OSMR: variants seen among roughly 807,000 people sequenced by gnomAD.
The protein encoded by OSMR is oncostatin M receptor, also known as oncostatin-M-specific receptor subunit beta.
In OSMR, 81 loss-of-function variants were observed where a neutral mutation model predicts 99.9. The observed-to-expected ratio is 0.81, with a 90% CI of 0.68 to 0.97. The LOEUF is 0.97. OSMR is among the 50% of genes least tolerant of loss of function. The pLI is 0.00. For synonymous variants in OSMR, 406 were observed against 410.4 expected, an observed-to-expected ratio of 0.99 and a Z score of 0.13; for missense variants, 1,099 against 1,153.4, an observed-to-expected ratio of 0.95 and a Z score of 0.68.
intron 3 of OSMR, among the ~76,000 whole-genome samples, chr5:38,879,053 T>C (rs1231177942): frequency 6.6e-6 from 1 of 152,238 alleles, no homozygotes; most frequent in African/African-American, 2.4e-5. Context: ...GGGCTGTGTG[T>C]GCAGGTCACT....
At chr5:38,921,125 C>G (rs1224525589) in intron 11 of OSMR, among the ~76,000 whole-genome samples, 1 of 152,070 alleles carries the variant, frequency 6.6e-6, no homozygotes, top group African/African-American at 2.4e-5. Context: ...GTACCCAATA[C>G]CAGATTCTAG....
chr5:38,929,831 G>A (rs1746637690), intron 15 of OSMR, among the ~76,000 whole-genome samples: 1 of 152,208 alleles, frequency 6.6e-6, no homozygotes, highest in African/African-American at 2.4e-5. Context: ...CTGAAAGCTG[G>A]TTCATGCAAG....
intron 3 of OSMR, among the ~76,000 whole-genome samples, chr5:38,879,562 G>C (rs980121318): frequency 6.6e-6 from 1 of 151,956 alleles, no homozygotes; most frequent in Non-Finnish European, 1.5e-5. Flanking sequence ...GAGCGAAGTT[G>C]CCATTATTGA....
chr5:38,906,640 C>T (rs1352217168), intron 9 of OSMR, among the ~76,000 whole-genome samples: 2 of 152,204 alleles, frequency 1.3e-5, no homozygotes, highest in East Asian at 3.9e-4. Context: ...ACTTATTTAG[C>T]AAATTGAAAT....
At chr5:38,905,732 C>G (rs2112553234) in intron 9 of OSMR, among the ~76,000 whole-genome samples, 1 of 152,308 alleles carries the variant, frequency 6.6e-6, no homozygotes, top group Non-Finnish European at 1.5e-5. Flanking sequence ...AATCAGAGCT[C>G]AATTCTGTGT....
chr5:38,935,948 G>C (rs1194413519), downstream of OSMR, among the ~76,000 whole-genome samples: 2 of 152,158 alleles, frequency 1.3e-5, no homozygotes, highest in Non-Finnish European at 2.9e-5. Flanking sequence ...ACTATGACCT[G>C]TAGTCTTGGC....
intron 3 of OSMR, among the ~76,000 whole-genome samples, chr5:38,877,887 T>A (rs752884367): frequency 6.6e-6 from 1 of 152,234 alleles, no homozygotes; most frequent in Non-Finnish European, 1.5e-5. Flanking sequence ...GTTTTCATAT[T>A]TGATTCCCGT....
At position 38,933,455 on chromosome 5, in the gene OSMR, G is replaced by A. The variant is rs749514687; in HGVS notation, c.*11G>A. On this transcript the variant is annotated 3_prime_UTR_variant, in exon 18 of 18. Transcript: ENST00000274276. Reference sequence around the variant, plus strand: ...GAACACTACTGCTAACCAGCATGCCGATTTCATACCTTATGCTACACAGAC... The same window carrying A: ...GAACACTACTGCTAACCAGCATGCCAATTTCATACCTTATGCTACACAGAC... The A allele has an allele frequency of 8.7e-6, 14 of 1,613,748 alleles. No individual in the cohort carries two copies. Among genetic ancestry groups the A allele is most frequent in the African/African-American group, 1.3e-5 (1 of 74,890 alleles).
At chr5:38,872,108 C>G (rs573489490) in intron 2 of OSMR, among the ~76,000 whole-genome samples, 46 of 152,174 alleles carry the variant, frequency 3.0e-4, no homozygotes, top group Non-Finnish European at 6.0e-4. Context: ...ACCTCAATTT[C>G]CTCGTCTGAA....
chr5:38,886,298 G>A (rs1743766499), intron 7 of OSMR, 108 bp downstream of exon 7: 3 of 1,588,996 alleles, frequency 1.9e-6, no homozygotes, highest in South Asian at 1.1e-5. Context: ...TCACAGCGGA[G>A]GTGAGAGTTA....
At chr5:38,904,995 G>T (rs1163450630) in intron 9 of OSMR, among the ~76,000 whole-genome samples, 1 of 152,156 alleles carries the variant, frequency 6.6e-6, no homozygotes, top group African/African-American at 2.4e-5. Flanking sequence ...GGTTTCCTCA[G>T]TATTGACTGC....
At chr5:38,863,205 G>GAGGGGA (rs1741648999) in intron 1 of OSMR, among the ~76,000 whole-genome samples, 1 of 75,642 alleles carries the variant, frequency 1.3e-5, no homozygotes, top group Non-Finnish European at 2.9e-5. Flanking sequence ...GGGGGAGGGG[G>GAGGGGA]AGGGGGAGGG....
chr5:38,905,288 A>G (rs540861286), intron 9 of OSMR, among the ~76,000 whole-genome samples: 49 of 152,248 alleles, frequency 3.2e-4, no homozygotes, highest in African/African-American at 1.1e-3. Context: ...CAGGAGTTCG[A>G]GACCAGCCTG....
chr5:38,904,544 T>A, intron 9 of OSMR, 41 bp downstream of exon 9: 1 of 1,613,394 alleles, frequency 6.2e-7, no homozygotes, highest in African/African-American at 1.3e-5. Flanking sequence ...GAAGTAGGTC[T>A]TAGGAGTTAG....
At chr5:38,884,505 T>G (rs1455906279) in intron 5 of OSMR, among the ~76,000 whole-genome samples, 1 of 152,202 alleles carries the variant, frequency 6.6e-6, no homozygotes, top group East Asian at 1.9e-4. Flanking sequence ...GGTTTGAATC[T>G]TCTTTCCCTG....
At chr5:38,860,120 T>C (rs1453708903) in intron 1 of OSMR, among the ~76,000 whole-genome samples, 1 of 152,232 alleles carries the variant, frequency 6.6e-6, no homozygotes, top group Non-Finnish European at 1.5e-5. Context: ...ATATGAGTTG[T>C]AAAATTGGGC....
At chr5:38,893,283 A>G (rs568424868) in intron 7 of OSMR, among the ~76,000 whole-genome samples, 99 of 152,356 alleles carry the variant, frequency 6.5e-4, no homozygotes, top group African/African-American at 2.2e-3. Flanking sequence ...TTCTGGCATC[A>G]TGAAAATCGA....
At chr5:38,847,119 G>T (rs975851640) in intron 1 of OSMR, among the ~76,000 whole-genome samples, 4 of 152,216 alleles carry the variant, frequency 2.6e-5, no homozygotes, top group African/African-American at 7.2e-5. Flanking sequence ...AGAGAAGATA[G>T]AATTGAATGT....
In OSMR at chr5:38,932,889, A is replaced by G. The variant is rs944080834; in HGVS notation, c.2385A>G (p.Ile795Met). ...CTTTCTAGGAGAACCCTCACCTAATAATAATGAATGTCAGTGACTGTATCC... is the reference window on the plus strand; with the variant it reads ...CTTTCTAGGAGAACCCTCACCTAATGATAATGAATGTCAGTGACTGTATCC... ...LIKFKENPHL[I>M]IMNVSDCIPD... The change falls in exon 18 of 18, where the codon ATA becomes ATG. Residue 795 changes from isoleucine to methionine, a missense_variant. By Grantham distance (10) the Ile-to-Met change is conservative. Transcript: ENST00000274276. 5 of 1,613,988 alleles carry G rather than the reference A, an allele frequency of 3.1e-6. No homozygotes were observed. Among genetic ancestry groups the G allele is most frequent in the Non-Finnish European group, 3.4e-6 (4 of 1,179,844 alleles).
Sources: allele counts gnomAD v4.1 joint callset (sites outside exome capture counted in the v4.1 genomes callset), GRCh38; gene constraint gnomAD v4.1.1; transcripts MANE v1.5; gene names NCBI Gene and HGNC (gene_info 2026-07-23, HGNC 2026-07-21).